Variants in MYO16 observed in about 807,000 individuals in gnomAD.
MYO16 encodes myosin XVI, also known as unconventional myosin-XVI.
In MYO16, 94 loss-of-function variants were observed where a neutral mutation model predicts 205.3. The observed-to-expected ratio is 0.46, with a 90% CI of 0.39 to 0.54. The LOEUF is 0.54. Ranked by LOEUF, MYO16 falls within the 20% of genes least tolerant of loss-of-function variation. The pLI is 0.00. For synonymous variants in MYO16, 988 were observed against 954.0 expected, an observed-to-expected ratio of 1.04 and a Z score of -0.66; for missense variants, 2,315 against 2,387.5, an observed-to-expected ratio of 0.97 and a Z score of 0.63.
intron 2 of MYO16, among the ~76,000 whole-genome samples, chr13:108,697,135 T>C (rs146384541): frequency 6.6e-6 from 1 of 152,312 alleles, no homozygotes; most frequent in East Asian, 1.9e-4. Context: ...ATACTCAGTG[T>C]TGTGTCTGTC....
At chr13:108,693,792 G>C (rs1043049606) in intron 2 of MYO16, among the ~76,000 whole-genome samples, 7 of 152,140 alleles carry the variant, frequency 4.6e-5, no homozygotes, top group Non-Finnish European at 8.8e-5. Context: ...TTGTTATACA[G>C]ATTATTTCAC....
chr13:108,992,486 T>C (rs1328629005), intron 21 of MYO16, 38 bp downstream of exon 21: 2 of 1,334,076 alleles, frequency 1.5e-6, no homozygotes, highest in South Asian at 1.2e-5. Context: ...TGAACTTGAA[T>C]GGCTTTTGAA....
chr13:109,047,775 C>T (rs975740173), intron 24 of MYO16, among the ~76,000 whole-genome samples: 16 of 151,864 alleles, frequency 1.1e-4, no homozygotes, highest in East Asian at 1.9e-4. Flanking sequence ...ATAGCTTTTT[C>T]GTGAAATAGT....
chr13:108,878,151 G>A (rs951520679), intron 12 of MYO16, among the ~76,000 whole-genome samples: 2 of 152,146 alleles, frequency 1.3e-5, no homozygotes, highest in East Asian at 1.9e-4. Flanking sequence ...GGGTAGAAGA[G>A]AGCAGTTCCC....
At chr13:108,533,042 G>C in the MYO16 span, among the ~76,000 whole-genome samples, 1 of 152,082 alleles carries the variant, frequency 6.6e-6, no homozygotes, top group Non-Finnish European at 1.5e-5. Context: ...AAAGATGGGT[G>C]GATTCCCATC....
intron 1 of MYO16, among the ~76,000 whole-genome samples, chr13:108,665,058 A>C (rs1432899783): frequency 6.6e-6 from 1 of 152,160 alleles, no homozygotes; most frequent in Non-Finnish European, 1.5e-5. Context: ...TAAATTAATG[A>C]AAAATGTCCA....
chr13:108,830,721 G>T (rs373005), intron 9 of MYO16, among the ~76,000 whole-genome samples: 92,764 of 150,810 alleles, frequency 0.62, 29,358 homozygotes, highest in Middle Eastern at 0.72. Flanking sequence ...GTAACTAACC[G>T]GCCCATTGTG....
chr13:109,117,265 T>C (rs1055903663), intron 28 of MYO16, among the ~76,000 whole-genome samples: 2 of 151,914 alleles, frequency 1.3e-5, no homozygotes, highest in Admixed American at 6.6e-5. Flanking sequence ...TCTTCTGTTC[T>C]TTTTTTCTAA....
chr13:108,717,942 T>C (rs997737889), intron 3 of MYO16, among the ~76,000 whole-genome samples: 3 of 152,176 alleles, frequency 2.0e-5, no homozygotes, highest in African/African-American at 7.2e-5. Flanking sequence ...TAAAATTAGT[T>C]AAGACTGTTT....
intron 34 of MYO16, among the ~76,000 whole-genome samples, chr13:109,189,598 G>C (rs1949050402): frequency 6.6e-6 from 1 of 152,154 alleles, no homozygotes; most frequent in South Asian, 2.1e-4. Flanking sequence ...TTACTTAGCA[G>C]TTGAACCATG....
the MYO16 span, among the ~76,000 whole-genome samples, chr13:108,535,058 G>A: frequency 1.6e-5 from 2 of 127,988 alleles, no homozygotes; most frequent in South Asian, 2.5e-4. Context: ...TCCTCCTCTT[G>A]TTCTTCTTCC....
intron 4 of MYO16, among the ~76,000 whole-genome samples, chr13:108,729,801 T>C (rs1884464630): frequency 6.6e-6 from 1 of 152,216 alleles, no homozygotes; most frequent in African/African-American, 2.4e-5. Flanking sequence ...ATTCTGAATG[T>C]AGCAGTTTCT....
At position 109,140,560 on chromosome 13, in the gene MYO16, G is replaced by C; in HGVS notation, c.4348G>C (p.Gly1450Arg). 1 of 1,539,896 alleles carries C rather than the reference G, an allele frequency of 6.5e-7. No homozygotes were observed. Among genetic ancestry groups the C allele is most frequent in the South Asian group, 1.2e-5 (1 of 84,352 alleles). ...HAARPDSPDP[G>R]ESVYEEMKCC... ...GGCCAGGCCCGATAGCCCGGACCCC[G>C]GGGAGTCCGTGTACGAGGAGATGAA... Residue 1450 changes from glycine (G) to arginine (R), a missense_variant, in exon 32 of 35, where the codon GGG becomes CGG. Gly to Arg is a moderately radical substitution (Grantham distance 125). Transcript: ENST00000457511. The surrounding 1 kb of genome is among the most constrained non-coding windows in gnomAD (Gnocchi z 8.0).
chr13:108,669,120 C>T (rs757325935), intron 2 of MYO16, among the ~76,000 whole-genome samples: 3 of 151,890 alleles, frequency 2.0e-5, no homozygotes, highest in South Asian at 2.1e-4. Flanking sequence ...TAAAACGATA[C>T]GAAGTCTAAG....
intron 2 of MYO16, among the ~76,000 whole-genome samples, chr13:108,679,931 T>G (rs1214452442): frequency 6.6e-6 from 1 of 152,048 alleles, no homozygotes; most frequent in Non-Finnish European, 1.5e-5. Context: ...ATTCAGCTCC[T>G]CAAGCCTCTT....
At chr13:108,506,749 G>A in the MYO16 span, among the ~76,000 whole-genome samples, 1 of 152,080 alleles carries the variant, frequency 6.6e-6, no homozygotes, top group Non-Finnish European at 1.5e-5. Flanking sequence ...TGGGCATCTT[G>A]CCTTGTTCCT....
In MYO16 at chr13:108,823,279, G is replaced by GT; in HGVS notation, c.1097+2dup. 6.2e-7 allele frequency: 1 copy of GT among 1,601,278 alleles called. No individual in the cohort carries two copies. The highest frequency in any genetic ancestry group is 8.5e-7 in the Non-Finnish European group (1 of 1,173,558). On this transcript the variant is annotated splice_donor_variant, in intron 9 of 34. Transcript: ENST00000457511. LOFTEE classifies it high-confidence loss of function. ...ATCTTCCCGTACTGTCGAGTAAGCT[G>GT]TAAGTGTCTTCCTGCTTATTCTCTT...
At chr13:108,675,251 T>C (rs547173520) in intron 2 of MYO16, among the ~76,000 whole-genome samples, 2 of 152,340 alleles carry the variant, frequency 1.3e-5, no homozygotes, top group South Asian at 4.1e-4. Context: ...TGGTTAAATA[T>C]GTAGAGCGCA....
At chr13:109,079,032 C>A (rs1377728339) in intron 27 of MYO16, among the ~76,000 whole-genome samples, 2 of 139,056 alleles carry the variant, frequency 1.4e-5, no homozygotes, top group Non-Finnish European at 3.2e-5. Flanking sequence ...GCAGCTGTCT[C>A]CTTTTTGATT....
Sources: gnomAD v4.1 joint callset for allele counts (sites outside exome capture counted in the v4.1 genomes callset) on GRCh38, gnomAD v4.1.1 for gene constraint, Gnocchi (gnomAD v3.1) non-coding constraint, MANE v1.5 for transcripts, NCBI Gene and HGNC (gene_info 2026-07-23, HGNC 2026-07-21) for gene names.